ARID3C: variants seen among roughly 807,000 people sequenced by gnomAD.
ARID3C encodes AT-rich interaction domain 3C.
ARID3C carries 42 observed loss-of-function variants against 37.9 expected under a neutral mutation model. The observed-to-expected ratio is 1.11, with a 90% confidence interval of 0.87 to 1.43. The LOEUF is 1.43. ARID3C is among the 40% of genes most tolerant of loss of function. ARID3C has a pLI of 0.00. For missense variants in ARID3C, 581 were observed against 548.8 expected (o/e 1.06, Z -0.59); for synonymous variants, 213 against 228.0 (o/e 0.93, Z 0.59).
chr9:34,622,858 C>A (rs566956310), intron 4 of ARID3C, among the ~76,000 whole-genome samples: 2 of 152,234 alleles, frequency 1.3e-5, no homozygotes, highest in African/African-American at 4.8e-5. Flanking sequence ...GATTAAAGGA[C>A]CTTTTCCTGG....
chr9:34,632,726 C>T (rs1177513675), upstream of ARID3C, among the ~76,000 whole-genome samples: 1 of 152,084 alleles, frequency 6.6e-6, no homozygotes, highest in Non-Finnish European at 1.5e-5. Flanking sequence ...TGACTCTGGG[C>T]AGCTGGGTAA....
chr9:34,627,970 C>G (rs1820681526), exon 1 of ARID3C: 1 of 1,530,022 alleles, frequency 6.5e-7, no homozygotes, highest in Non-Finnish European at 8.8e-7. Flanking sequence ...ATGGCCCCAC[C>G]CCCTGGGCCA....
Position 34,621,527 on chromosome 9 carries a change from TG to T in ARID3C, c.1169del (p.Pro390GlnfsTer?). 6.4e-7 allele frequency: 1 copy of T among 1,561,466 alleles called. No individual in the cohort carries two copies. ...CAGGGTTGGTTGGACCCTGGGAAGC[TG>T]GCACAGGCTGGCGGCGGGCAAAGAG... On this transcript the variant is annotated frameshift_variant, in exon 7 of 7. Coordinates refer to ENST00000378909, the Ensembl canonical transcript of ARID3C. LOFTEE classifies it high-confidence loss of function.
chr9:34,624,139 G>A, intron 2 of ARID3C, 92 bp from the exon 4 acceptor site: 1 of 1,421,962 alleles, frequency 7.0e-7, no homozygotes, highest in African/African-American at 1.4e-5. Context: ...GCCCCGGGGA[G>A]GGCGGGAAAG....
chr9:34,622,427 G>C (rs759692940), exon 5 of ARID3C: 1 of 1,614,144 alleles, frequency 6.2e-7, no homozygotes, highest in South Asian at 1.1e-5. Context: ...CATCAGCACA[G>C]CTCTCTTCTC....
intron 2 of ARID3C, among the ~76,000 whole-genome samples, chr9:34,624,546 C>A (rs1364214874): frequency 6.6e-6 from 1 of 152,208 alleles, no homozygotes; most frequent in Non-Finnish European, 1.5e-5. Context: ...GCCGGCCTCC[C>A]CTAAGCAGCA....
At chr9:34,630,110 C>A (rs978653198), upstream of ARID3C, among the ~76,000 whole-genome samples, 1 of 152,148 alleles carries the variant, frequency 6.6e-6, no homozygotes, top group African/African-American at 2.4e-5. Flanking sequence ...GTATAATGAA[C>A]CTCTGGTACT....
chr9:34,629,297 G>A (rs1820701606), upstream of ARID3C, among the ~76,000 whole-genome samples: 1 of 152,046 alleles, frequency 6.6e-6, no homozygotes, highest in Admixed American at 6.6e-5. Flanking sequence ...CTCACAAGTC[G>A]TGCCCCCGAC....
exon 4 of ARID3C, chr9:34,623,569 G>A (rs1820608301): frequency 6.2e-7 from 1 of 1,606,636 alleles, no homozygotes. Context: ...CCCCGAGGGG[G>A]CGGCCCTGCC....
At chr9:34,625,577 C>A (rs1383772090) in intron 2 of ARID3C, among the ~76,000 whole-genome samples, 165 bp downstream of exon 3, 1 of 140,838 alleles carries the variant, frequency 7.1e-6, no homozygotes, top group Non-Finnish European at 1.6e-5. Context: ...ACTAATTAAT[C>A]CTGGGGTGGA....
exon 6 of ARID3C, chr9:34,622,083 G>A (rs1382782931): frequency 1.2e-6 from 2 of 1,614,000 alleles, no homozygotes; most frequent in African/African-American, 2.7e-5. Context: ...CTGCCTGCCA[G>A]ATTAAGAGGC....
upstream of ARID3C, among the ~76,000 whole-genome samples, chr9:34,629,139 G>C (rs1820699827): frequency 6.6e-6 from 1 of 152,150 alleles, no homozygotes; most frequent in East Asian, 1.9e-4. Context: ...GGCCCCTGTG[G>C]GATCTGCCGC....
At chr9:34,621,534 G>T (rs563374110) in exon 7 of ARID3C, 1 of 1,570,042 alleles carries the variant, frequency 6.4e-7, no homozygotes, top group Non-Finnish European at 8.6e-7. Flanking sequence ...AGCTGGCACA[G>T]GCTGGCGGCG....
chr9:34,621,963 T>C (rs1429457730), intron 6 of ARID3C, 57 bp downstream of exon 7: 29 of 1,536,726 alleles, frequency 1.9e-5, no homozygotes, highest in Non-Finnish European at 2.5e-5. Context: ...AAAATCCCCA[T>C]GCCAGCCTAA....
intron 4 of ARID3C, 36 bp from the exon 6 acceptor site, chr9:34,622,565 C>A (rs762909244): frequency 6.0e-5 from 92 of 1,545,766 alleles, no homozygotes; most frequent in South Asian, 2.5e-5. Flanking sequence ...CCTGGCCAAA[C>A]CAACCCATCT....
exon 1 of ARID3C, chr9:34,627,874 A>T: frequency 6.3e-7 from 1 of 1,578,070 alleles, no homozygotes; most frequent in Non-Finnish European, 8.6e-7. Context: ...CAGCCCCAAC[A>T]TTCCCCAAGG....
upstream of ARID3C, chr9:34,628,203 A>T (rs951931640): frequency 1.9e-5 from 14 of 729,168 alleles, no homozygotes; most frequent in Middle Eastern, 1.2e-3. This position sits in a 1 kb window ranked among gnomAD's most constrained non-coding sequence, Gnocchi z 5.2. Flanking sequence ...AGGCAGAAAG[A>T]TGGCTTTCCC....
At chr9:34,622,156 CT>C in intron 5 of ARID3C, 47 bp from the exon 7 acceptor site, 1 of 1,608,790 alleles carries the variant, frequency 6.2e-7, no homozygotes, top group Non-Finnish European at 8.5e-7. Context: ...AATCAGACTT[CT>C]GACTTATTAA....
chr9:34,622,590 C>T (rs542328180), intron 4 of ARID3C, 61 bp from the exon 6 acceptor site: 2 of 1,496,956 alleles, frequency 1.3e-6, no homozygotes, highest in South Asian at 1.4e-5. Context: ...ATTGGTTCTC[C>T]CCCAGGCCTG....
Sources: allele counts gnomAD v4.1 joint callset (sites outside exome capture counted in the v4.1 genomes callset), GRCh38; gene constraint gnomAD v4.1.1; non-coding constraint Gnocchi (gnomAD v3.1); transcripts MANE v1.5; gene names NCBI Gene and HGNC (gene_info 2026-07-23, HGNC 2026-07-21).